ASCC1: variants seen among roughly 807,000 people sequenced by gnomAD.
The protein encoded by ASCC1 is ASC-1 complex subunit P50.
ASCC1 carries 35 observed loss-of-function variants against 46.6 expected under a neutral mutation model. The ratio of observed to expected loss-of-function variants is 0.75; its 90% CI spans 0.57 to 0.99. The LOEUF is 0.99. Ranked by LOEUF, ASCC1 falls within the 50% of genes least tolerant of loss-of-function variation. The pLI, the probability that ASCC1 is intolerant of heterozygous loss-of-function variation, is 0.00. For missense variants in ASCC1, 376 were observed against 428.7 expected (o/e 0.88, Z 1.09); for synonymous variants, 143 against 146.6 (o/e 0.98, Z 0.18).
intron 2 of ASCC1, among the ~76,000 whole-genome samples, chr10:72,212,003 G>A (rs1285627153): frequency 1.3e-5 from 2 of 152,010 alleles, no homozygotes; most frequent in Non-Finnish European, 2.9e-5. Context: ...GGCCAACATG[G>A]TGAAACACTA....
At chr10:72,207,930 A>G (rs57161287) in intron 3 of ASCC1, among the ~76,000 whole-genome samples, 21,681 of 151,696 alleles carry the variant, frequency 0.14, 4,426 homozygotes, top group African/African-American at 0.45. Context: ...TCCTGCCTCA[A>G]CCTACCAAGT....
upstream of ASCC1, among the ~76,000 whole-genome samples, chr10:72,216,536 G>T (rs1381504418): frequency 2.1e-5 from 3 of 144,524 alleles, no homozygotes; most frequent in African/African-American, 7.8e-5. Context: ...TTGTAATCCA[G>T]CTGTTTTGAA....
chr10:72,133,510 C>T (rs1307543229), intron 7 of ASCC1: 1 of 312,462 alleles, frequency 3.2e-6, no homozygotes, highest in African/African-American at 2.2e-5. Flanking sequence ...GCAAATAACA[C>T]CAGGGAAGGA....
chr10:72,133,300 A>G (rs1845816544), intron 7 of ASCC1, 119 bp from the exon 8 acceptor site: 1 of 1,011,064 alleles, frequency 9.9e-7, no homozygotes, highest in Non-Finnish European at 1.5e-6. Flanking sequence ...AAAGCCCTGC[A>G]TCACAGGAGG....
chr10:72,100,698 ATCTTTAT>A (rs1841652593), intron 9 of ASCC1, among the ~76,000 whole-genome samples: 1 of 152,078 alleles, frequency 6.6e-6, no homozygotes, highest in Non-Finnish European at 1.5e-5. Flanking sequence ...CCGCCAATGT[ATCTTTAT>A]TCTTAAGTCT....
At chr10:72,176,393 A>G (rs1851861652) in intron 5 of ASCC1, among the ~76,000 whole-genome samples, 1 of 152,132 alleles carries the variant, frequency 6.6e-6, no homozygotes, top group Non-Finnish European at 1.5e-5. Context: ...CCCAGGCTAG[A>G]GTGCAGTGGC....
intron 5 of ASCC1, among the ~76,000 whole-genome samples, chr10:72,181,811 G>A (rs553986895): frequency 3.9e-4 from 60 of 151,962 alleles, no homozygotes; most frequent in African/African-American, 1.2e-3. Context: ...TCAGCCTCCC[G>A]AGTACCTGGG....
intron 7 of ASCC1, among the ~76,000 whole-genome samples, chr10:72,137,790 A>G (rs777992124): frequency 8.5e-5 from 13 of 152,192 alleles, no homozygotes; most frequent in Non-Finnish European, 1.6e-4. Flanking sequence ...TTACGTAATC[A>G]GAAAAAATTT....
chr10:72,097,891 G>A (rs569599897), intron 9 of ASCC1, among the ~76,000 whole-genome samples: 8 of 152,188 alleles, frequency 5.3e-5, no homozygotes, highest in African/African-American at 1.2e-4. Flanking sequence ...TCTAATCAAC[G>A]CCATTTGTTA....
chr10:72,157,519 T>C (rs1219449046), intron 6 of ASCC1, among the ~76,000 whole-genome samples: 1 of 152,222 alleles, frequency 6.6e-6, no homozygotes, highest in Non-Finnish European at 1.5e-5. Flanking sequence ...GAAAGACCCA[T>C]ATGAACAATG....
At chr10:72,180,554 A>T (rs1445390877) in intron 5 of ASCC1, among the ~76,000 whole-genome samples, 1 of 152,100 alleles carries the variant, frequency 6.6e-6, no homozygotes, top group Non-Finnish European at 1.5e-5. Flanking sequence ...TGAACTCAGG[A>T]GGCGGAGGTT....
At chr10:72,097,493 T>C (rs954547925) in intron 9 of ASCC1, 43 bp from the exon 10 acceptor site, 1 of 1,175,164 alleles carries the variant, frequency 8.5e-7, no homozygotes, top group Non-Finnish European at 1.3e-6. Flanking sequence ...ATTTAAAGTA[T>C]AGATGAAAAT....
chr10:72,151,286 G>A (rs191908848), intron 7 of ASCC1, among the ~76,000 whole-genome samples: 19 of 152,292 alleles, frequency 1.2e-4, no homozygotes, highest in Admixed American at 6.5e-5. Flanking sequence ...ATGAGTTCAC[G>A]TCCTTTGTGG....
intron 8 of ASCC1, 70 bp downstream of exon 8, chr10:72,132,987 C>T (rs1438299565): frequency 6.2e-7 from 1 of 1,601,236 alleles, no homozygotes; most frequent in South Asian, 1.1e-5. Context: ...ATAGCTCATT[C>T]TACCTAAACC....
At chr10:72,175,085 A>G (rs1290064532) in intron 5 of ASCC1, among the ~76,000 whole-genome samples, 1 of 152,200 alleles carries the variant, frequency 6.6e-6, no homozygotes. Flanking sequence ...TCATTCATCT[A>G]AAGAAGTTAT....
At chr10:72,204,364 G>A in intron 3 of ASCC1, 1 of 1,548,266 alleles carries the variant, frequency 6.5e-7, no homozygotes, top group Non-Finnish European at 8.7e-7. Context: ...CGGGACATGA[G>A]CTCACAATCC....
chr10:72,123,679 T>A (rs1844499538), intron 9 of ASCC1, among the ~76,000 whole-genome samples: 1 of 151,986 alleles, frequency 6.6e-6, no homozygotes, highest in South Asian at 2.1e-4. Context: ...AAAAAAAAAA[T>A]TGAATTTATC....
chr10:72,190,032 G>A lies in ASCC1; in HGVS notation c.489+6779C>T, dbSNP rs115912179. ...CTGAGGGTCCACTGCTGGCAGTACCGCCAGCTCTCTGCCCTCCACAGTGCT... is the reference window on the plus strand; with the variant it reads ...CTGAGGGTCCACTGCTGGCAGTACCACCAGCTCTCTGCCCTCCACAGTGCT... On this transcript the variant is annotated intron_variant, in intron 5 of 9. Transcript: ENST00000672957. 9.6e-3 allele frequency: 7,260 copies of A among 758,190 alleles called. 382 individuals carry two copies. In the African/African-American group the frequency reaches 0.11, roughly 11 times the overall value. The allele number at this position is 758,190 out of a possible 1,614,324, so 47.0% of individuals were successfully genotyped here.
At chr10:72,184,719 A>G (rs1454582151) in intron 5 of ASCC1, among the ~76,000 whole-genome samples, 1 of 151,670 alleles carries the variant, frequency 6.6e-6, no homozygotes, top group African/African-American at 2.4e-5. Flanking sequence ...CAAAATCAGT[A>G]TGGATACAGA....
Sources: gnomAD v4.1 joint callset for allele counts (sites outside exome capture counted in the v4.1 genomes callset) on GRCh38, gnomAD v4.1.1 for gene constraint, MANE v1.5 for transcripts, NCBI Gene and HGNC (gene_info 2026-07-23, HGNC 2026-07-21) for gene names.